KCTD1: variants seen among roughly 807,000 people sequenced by gnomAD.
The protein encoded by KCTD1 is potassium channel tetramerization domain containing 1.
A neutral mutation model predicts 66.0 loss-of-function variants in KCTD1; 24 were observed. The observed-to-expected ratio is 0.36, with a 90% CI of 0.26 to 0.51. The LOEUF (loss-of-function observed/expected upper bound fraction) is 0.51, where lower values mean the gene tolerates loss of function less well. KCTD1 is among the 20% of genes least tolerant of loss of function. The pLI, the probability that KCTD1 is intolerant of heterozygous loss-of-function variation, is 0.95. For synonymous variants in KCTD1, 511 were observed against 517.2 expected (o/e 0.99, Z 0.16); for missense variants, 943 against 1,205.2 (o/e 0.78, Z 3.22).
rs1983427665 is a variant in KCTD1, at chr18:26,513,111, GTA to G, written c.1810-11863_1810-11862del. 4.6e-5 allele frequency among the ~76,000 whole-genome samples: 6 copies of G among 131,864 alleles called. No individual in the cohort carries two copies. The Admixed American group carries it at 4.8e-4, about 10-fold the overall frequency. The allele number at this position is 131,864 out of a possible 152,430, so 86.5% of individuals were successfully genotyped here. Reference sequence around the variant, plus strand: ...GTGTATTTTTTTTTTTTTTTGAGACGTAGTCTCGCTGTGTTGCCCAGGCTGGA... The same window carrying G: ...GTGTATTTTTTTTTTTTTTTGAGACGGTCTCGCTGTGTTGCCCAGGCTGGA... On this transcript the variant is annotated intron_variant, in intron 1 of 4. Coordinates refer to ENST00000580059, the MANE Select transcript of KCTD1 (RefSeq NM_001142730.3).
rs557882040 is a variant in KCTD1 at position 26,483,468 on chromosome 18, C to T, written c.1989-6809G>A. Among the ~76,000 whole-genome samples the T allele has an allele frequency of 7.2e-5, 11 of 151,976 alleles. No homozygotes were observed. In the South Asian group the frequency reaches 2.3e-3, roughly 32 times the overall value. ...ATTTTTGGTAGAGTTGGGGTTTCAC[C>T]ATGTTGGCCAGGCTGGTCTTGAACT... On this transcript the variant is annotated intron_variant, in intron 2 of 4. Transcript: ENST00000580059.
At position 26,554,451 on chromosome 18, in the gene KCTD1, G is replaced by A. The variant is rs147664455; in HGVS notation, c.-15-53201C>T. Among the ~76,000 whole-genome samples, 208 of 137,844 alleles carry A rather than the reference G, an allele frequency of 1.5e-3. 27 individuals carry two copies. The East Asian group carries it at 0.051, about 34-fold the overall frequency. The allele number at this position is 137,844 out of a possible 152,430, so 90.4% of individuals were successfully genotyped here. On this transcript the variant is annotated intron_variant, in intron 1 of 4. Coordinates refer to the KCTD1 transcript ENST00000317932. ...CTTGGCCACCTAAACACTGGTACATGTTTTCTTGGCTATTGGAAGTAGGGA... is the reference window on the plus strand; with the variant it reads ...CTTGGCCACCTAAACACTGGTACATATTTTCTTGGCTATTGGAAGTAGGGA...
chr18:26,513,733 A>T (rs894817002), intron 1 of KCTD1, among the ~76,000 whole-genome samples: 9 of 152,200 alleles, frequency 5.9e-5, no homozygotes, highest in Non-Finnish European at 8.8e-5. Flanking sequence ...TATGATTTTT[A>T]AAAAATATAA....
intron 1 of KCTD1, among the ~76,000 whole-genome samples, chr18:26,636,843 C>A (rs2145056005): frequency 6.6e-6 from 1 of 152,346 alleles, no homozygotes; most frequent in East Asian, 1.9e-4. Context: ...CCTGGACATC[C>A]AACAGCTGGA....
intron 1 of KCTD1, among the ~76,000 whole-genome samples, chr18:26,655,203 A>T (rs1247402608): frequency 6.6e-6 from 1 of 152,234 alleles, no homozygotes; most frequent in African/African-American, 2.4e-5. Context: ...TTCTCTAAAA[A>T]AACGCACACA....
At chr18:26,632,711 G>T (rs1006853237), upstream of KCTD1, among the ~76,000 whole-genome samples, 7 of 152,026 alleles carry the variant, frequency 4.6e-5, no homozygotes, top group Admixed American at 3.9e-4. Flanking sequence ...ACCCTCTTCA[G>T]AAAATAGTGA....
chr18:26,654,823 T>C (rs1002632020), intron 1 of KCTD1, among the ~76,000 whole-genome samples: 1 of 152,344 alleles, frequency 6.6e-6, no homozygotes, highest in East Asian at 1.9e-4. Context: ...TTTAACCTAC[T>C]GTCATCATAA....
rs2144784538 is a variant in KCTD1 at position 26,533,800 on chromosome 18, T to C, written c.1809+12928A>G. Among the ~76,000 whole-genome samples, 3 of 145,268 alleles carry C rather than the reference T, an allele frequency of 2.1e-5. No homozygotes were observed. The South Asian group carries it at 6.6e-4, about 32-fold the overall frequency. On this transcript the variant is annotated intron_variant, in intron 1 of 4. Transcript: ENST00000580059. ...CAGGTATGAGCCACCACTCCTGGCC[T>C]GTGAGAATATTTTTAAAGCTATTAT...
At chr18:26,520,055 A>ATC (rs1220426312) in intron 1 of KCTD1, among the ~76,000 whole-genome samples, 5 of 152,382 alleles carry the variant, frequency 3.3e-5, no homozygotes, top group Admixed American at 2.6e-4. Context: ...ATTAATGTTA[A>ATC]TCCCGTAACA....
chr18:26,512,589 G>A (rs1983392429), intron 1 of KCTD1, among the ~76,000 whole-genome samples: 1 of 152,080 alleles, frequency 6.6e-6, no homozygotes, highest in Non-Finnish European at 1.5e-5. Flanking sequence ...GCCAGGCTAG[G>A]GCACTATGGA....
Position 26,561,553 on chromosome 18 carries a change from T to C in KCTD1, c.-15-60303A>G, listed in dbSNP as rs544119585. Among the ~76,000 whole-genome samples, 4 of 152,290 alleles carry C rather than the reference T, an allele frequency of 2.6e-5. No individual in the cohort carries two copies. In the East Asian group the frequency reaches 7.7e-4, roughly 29 times the overall value. ...AAGCCTAAAACCAACACAATGGTCT[T>C]CTTACCACGCCCACCTTCTGTTCTA... On this transcript the variant is annotated intron_variant, in intron 1 of 4. Transcript: ENST00000317932.
intron 3 of KCTD1, chr18:26,460,993 G>A (rs755052113): frequency 1.3e-5 from 2 of 152,192 alleles, no homozygotes; most frequent in Non-Finnish European, 2.9e-5. Context: ...ACAGGCATTT[G>A]TGCCTTCCGT....
chr18:26,591,614 C>T (rs1986606308), intron 1 of KCTD1: 1 of 152,226 alleles, frequency 6.6e-6, no homozygotes, highest in African/African-American at 2.4e-5. Flanking sequence ...TACTAAACTG[C>T]TCAAAAGGTG....
chr18:26,656,368 G>A (rs187409081), intron 1 of KCTD1, among the ~76,000 whole-genome samples: 1 of 152,222 alleles, frequency 6.6e-6, no homozygotes, highest in African/African-American at 2.4e-5. Context: ...CGGAGCATGT[G>A]CTGTGCCCTT....
intron 2 of KCTD1, among the ~76,000 whole-genome samples, chr18:26,481,358 C>T (rs1308727105): frequency 6.6e-6 from 1 of 152,038 alleles, no homozygotes; most frequent in East Asian, 1.9e-4. Context: ...AGAAGTTGGC[C>T]AGGTACAGGG....
chr18:26,470,293 C>G (rs1015405798), intron 3 of KCTD1, among the ~76,000 whole-genome samples: 1 of 152,178 alleles, frequency 6.6e-6, no homozygotes, highest in African/African-American at 2.4e-5. Flanking sequence ...AAAAAAATCC[C>G]TTTCTCAGCC....
chr18:26,645,200 A>T (rs986812466), upstream of KCTD1, among the ~76,000 whole-genome samples: 1 of 152,218 alleles, frequency 6.6e-6, no homozygotes, highest in Non-Finnish European at 1.5e-5. Flanking sequence ...AAAAGAGGGT[A>T]TCATGTTTCC....
At chr18:26,484,595 A>G (rs368906638) in intron 2 of KCTD1, among the ~76,000 whole-genome samples, 27 of 152,328 alleles carry the variant, frequency 1.8e-4, no homozygotes, top group East Asian at 5.8e-4. Flanking sequence ...ACTGTTTACT[A>G]TGAAAAGTAC....
At chr18:26,639,907 A>G (rs1433290738) in intron 1 of KCTD1, among the ~76,000 whole-genome samples, 3 of 152,186 alleles carry the variant, frequency 2.0e-5, no homozygotes, top group Non-Finnish European at 4.4e-5. Context: ...ATCAATACAC[A>G]CGTGCATCAG....
Sources: allele counts gnomAD v4.1 joint callset (sites outside exome capture counted in the v4.1 genomes callset), GRCh38; gene constraint gnomAD v4.1.1; transcripts MANE v1.5; gene names NCBI Gene and HGNC (gene_info 2026-07-23, HGNC 2026-07-21).